AKAP13: variants seen among roughly 807,000 people sequenced by gnomAD.
The protein encoded by AKAP13 is A-kinase anchoring protein 13.
Under a neutral mutation model 264.5 loss-of-function variants are expected in AKAP13, and 80 were observed. That is an observed-to-expected ratio of 0.30 (90% CI 0.25 to 0.36). The LOEUF (loss-of-function observed/expected upper bound fraction) is 0.36, where lower values mean the gene tolerates loss of function less well. Among genes scored for constraint, AKAP13 ranks in the 10% least tolerant of loss-of-function variants. The pLI, the probability that AKAP13 is intolerant of heterozygous loss-of-function variation, is 1.00. For missense variants in AKAP13, 3,712 were observed against 3,435.2 expected, an observed-to-expected ratio of 1.08 and a Z score of -2.01; for synonymous variants, 1,380 against 1,250.2, an observed-to-expected ratio of 1.10 and a Z score of -2.19.
chr15:85,655,362 G>A, intron 10 of AKAP13, 55 bp from the exon 11 acceptor site: 1 of 1,565,816 alleles, frequency 6.4e-7, no homozygotes, highest in East Asian at 2.3e-5. Flanking sequence ...GAATAACTGA[G>A]GCTATCTGAT....
chr15:85,419,472 G>A (rs1458173814), intron 1 of AKAP13, among the ~76,000 whole-genome samples: 2 of 152,200 alleles, frequency 1.3e-5, no homozygotes, highest in African/African-American at 4.8e-5. Flanking sequence ...GTATGTCACT[G>A]TTGACCCGGA....
In AKAP13 at chr15:85,746,746, T is replaced by A. The variant is rs1194716199; in HGVS notation, c.*2069T>A. 2.6e-5 allele frequency: 4 copies of A among 152,266 alleles called. No individual in the cohort carries two copies. Among genetic ancestry groups the A allele is most frequent in the Non-Finnish European group, 4.4e-5 (3 of 68,066 alleles). 9.4% of individuals were successfully genotyped at this position (152,266 alleles called of 1,614,324 possible). ...GACTTTCCTGAGATCTACCCGGGGC[T>A]TGGCTGTCTGTTCTGGGCACTGGCT... On this transcript the variant is annotated 3_prime_UTR_variant, in exon 37 of 37. Transcript: ENST00000394518.
chr15:85,473,901 C>G (rs1469196395), intron 1 of AKAP13, among the ~76,000 whole-genome samples: 1 of 152,148 alleles, frequency 6.6e-6, no homozygotes, highest in African/African-American at 2.4e-5. Context: ...TGACACTAAT[C>G]CAGTAAACAG....
In AKAP13 at chr15:85,485,751, T is replaced by G; in HGVS notation, c.31T>G (p.Tyr11Asp). ...ACTTAATCCACAGCAAGCTCCCTTA[T>G]ATGTGAGTAAATCATGAGATTTCTT... MKLNPQQAPL[Y>D]GDCVVTVLLA... The change falls in exon 2 of 37, where the codon TAT becomes GAT. Residue 11 changes from tyrosine to aspartate, a missense_variant and splice_region_variant. Physicochemically the swap from Tyr to Asp is radical, Grantham distance 160. This residue lies in a region of AKAP13 where 2,759 missense variants were observed against 2,411.7 expected (regional missense o/e 1.14). Transcript: ENST00000394518. The G allele has an allele frequency of 6.2e-7, 1 of 1,612,826 alleles. No individual in the cohort carries two copies. The highest frequency in any genetic ancestry group is 1.1e-5 in the South Asian group (1 of 91,042).
intron 2 of AKAP13, among the ~76,000 whole-genome samples, chr15:85,519,680 C>G (rs4843066): frequency 6.6e-6 from 1 of 151,940 alleles, no homozygotes; most frequent in Non-Finnish European, 1.5e-5. Context: ...TTTTACCAGC[C>G]GTGATATTCC....
intron 8 of AKAP13, among the ~76,000 whole-genome samples, chr15:85,590,253 C>G (rs1596626136): frequency 6.6e-6 from 1 of 152,158 alleles, no homozygotes; most frequent in Non-Finnish European, 1.5e-5. Flanking sequence ...TGGCAGTTTT[C>G]TAATAAATGT....
At chr15:85,450,150 G>A (rs552643294) in intron 1 of AKAP13, among the ~76,000 whole-genome samples, 2 of 152,098 alleles carry the variant, frequency 1.3e-5, no homozygotes, top group East Asian at 3.9e-4. Context: ...CTGGGTGGGG[G>A]TGTATGTGTC....
At chr15:85,428,325 A>C (rs2072885467) in intron 1 of AKAP13, among the ~76,000 whole-genome samples, 1 of 152,058 alleles carries the variant, frequency 6.6e-6, no homozygotes, top group African/African-American at 2.4e-5. Context: ...TCAGCCTCCC[A>C]AGCAGCTGGG....
At chr15:85,487,083 T>G (rs981145638) in intron 2 of AKAP13, among the ~76,000 whole-genome samples, 2 of 152,150 alleles carry the variant, frequency 1.3e-5, no homozygotes, top group Non-Finnish European at 2.9e-5. Context: ...TACTGTTGAT[T>G]TTTGTGTACT....
chr15:85,479,914 G>A (rs1178259362), intron 1 of AKAP13, among the ~76,000 whole-genome samples: 2 of 152,094 alleles, frequency 1.3e-5, no homozygotes, highest in Non-Finnish European at 2.9e-5. Flanking sequence ...TGGTTCTAGG[G>A]ACTTTTGGTA....
At chr15:85,565,678 A>G (rs997079965) in intron 5 of AKAP13, among the ~76,000 whole-genome samples, 7 of 152,210 alleles carry the variant, frequency 4.6e-5, no homozygotes, top group African/African-American at 1.7e-4. Context: ...ACATAAAGAA[A>G]TTCTGTGCTA....
At chr15:85,658,455 A>G (rs1596941817) in intron 11 of AKAP13, 82 bp from the exon 12 acceptor site, 1 of 1,181,398 alleles carries the variant, frequency 8.5e-7, no homozygotes, top group East Asian at 2.4e-5. Flanking sequence ...CTCTCTCCCC[A>G]GTGTGGTGTC....
chr15:85,464,571 T>C (rs2074652808), intron 1 of AKAP13, among the ~76,000 whole-genome samples: 1 of 152,228 alleles, frequency 6.6e-6, no homozygotes, highest in South Asian at 2.1e-4. Flanking sequence ...TTATTCTGTT[T>C]TAAGGAATTA....
chr15:85,526,442 C>CCT (rs2077045757), intron 3 of AKAP13, among the ~76,000 whole-genome samples: 1 of 151,044 alleles, frequency 6.6e-6, no homozygotes, highest in African/African-American at 2.4e-5. Flanking sequence ...GTGGCTGGCA[C>CCT]GTGTGTGTGT....
chr15:85,604,831 G>A (rs1368453030), intron 8 of AKAP13, among the ~76,000 whole-genome samples: 1 of 152,088 alleles, frequency 6.6e-6, no homozygotes, highest in East Asian at 1.9e-4. Flanking sequence ...TCAGACCCAG[G>A]AAAACCCTAC....
In AKAP13 at chr15:85,581,062, C is replaced by T. The variant is rs776807937; in HGVS notation, c.2994C>T (p.Asn998=). Residue 998 remains asparagine (N), a synonymous_variant, in exon 7 of 37, where the codon AAC becomes AAT. Coordinates refer to ENST00000394518, the MANE Select transcript of AKAP13 (RefSeq NM_007200.5). ...TTCTTAAGGCAGAAACTGAACATAA[C>T]AAGGAAGTGGCCCCACAAGTCTCAC... is the stretch of plus-strand genomic sequence containing the variant. ...SAFLKAETEH[N]KEVAPQVSLL... 1 of 1,614,010 alleles carries T rather than the reference C, an allele frequency of 6.2e-7. No homozygotes were observed. The highest frequency in any genetic ancestry group is 8.5e-7 in the Non-Finnish European group (1 of 1,179,982).
At chr15:85,740,143 A>C in intron 33 of AKAP13, 79 bp from the exon 34 acceptor site, 1 of 1,438,302 alleles carries the variant, frequency 7.0e-7, no homozygotes, top group Non-Finnish European at 9.8e-7. Flanking sequence ...GAGCCATCTT[A>C]TCAGGTAAAC....
intron 1 of AKAP13, among the ~76,000 whole-genome samples, chr15:85,414,776 G>C (rs543406517): frequency 1.8e-4 from 28 of 152,332 alleles, no homozygotes; most frequent in Admixed American, 5.2e-4. Context: ...AGATGTCCTA[G>C]CTTTAAGGAG....
At chr15:85,602,133 A>T (rs1008365762) in intron 8 of AKAP13, among the ~76,000 whole-genome samples, 3 of 152,026 alleles carry the variant, frequency 2.0e-5, no homozygotes, top group Non-Finnish European at 4.4e-5. Context: ...AGAATTGACA[A>T]ACAGTAGGTT....
Sources: allele counts gnomAD v4.1 joint callset (sites outside exome capture counted in the v4.1 genomes callset), GRCh38; gene constraint gnomAD v4.1.1; regional missense constraint gnomAD v4.1.1; transcripts MANE v1.5; gene names NCBI Gene and HGNC (gene_info 2026-07-23, HGNC 2026-07-21).